Variants in LHB observed in about 807,000 individuals in gnomAD.
LHB encodes lutropin subunit beta.
A neutral mutation model predicts 10.6 loss-of-function variants in LHB; 11 were observed. The observed-to-expected ratio is 1.04, with a 90% CI of 0.66 to 1.72. The LOEUF is 1.72. Among genes scored for constraint, LHB ranks in the 40% most tolerant of loss-of-function variants. The pLI is 0.00. For synonymous variants in LHB, 86 were observed against 83.1 expected (o/e 1.03, Z -0.19); for missense variants, 184 against 197.3 (o/e 0.93, Z 0.41).
At chr19:49,016,931 C>A (rs923922033) in intron 1 of LHB, 136 bp downstream of exon 1, 199 of 1,604,868 alleles carry the variant, frequency 1.2e-4, no homozygotes, top group Middle Eastern at 2.2e-4. Flanking sequence ...TCAGGAACTG[C>A]CCCACCTGAA....
upstream of LHB, chr19:49,018,049 G>A (rs1026314559): frequency 2.5e-6 from 1 of 398,634 alleles, no homozygotes; most frequent in African/African-American, 2.1e-5. Flanking sequence ...TGCCCCGCAG[G>A]GGCTTCCAGT....
upstream of LHB, chr19:49,017,199 C>T (rs1230824692): frequency 2.0e-5 from 30 of 1,531,824 alleles, no homozygotes; most frequent in African/African-American, 2.0e-4. Context: ...CCCCCGGGGG[C>T]GAGAGGTGCA....
At chr19:49,016,888 C>G in intron 1 of LHB, 174 bp from the exon 2 acceptor site, 1 of 1,584,086 alleles carries the variant, frequency 6.3e-7, no homozygotes, top group Non-Finnish European at 8.6e-7. Context: ...GCCCAGAGGA[C>G]CTGAGATGCC....
chr19:49,016,316 G>A lies in LHB; in HGVS notation c.184-6C>T, dbSNP rs200951310. 3.6e-5 allele frequency: 58 copies of A among 1,610,204 alleles called. No individual in the cohort carries two copies. In the Middle Eastern group the frequency reaches 6.5e-4, roughly 18 times the overall value. ...ACCGCCTGCAGCACGCGCATCTGGA[G>A]GCCGTGTGAGTGGGGGAATGAGCAT... On this transcript the variant is annotated splice_region_variant and splice_polypyrimidine_tract_variant and intron_variant, in intron 2 of 2. Transcript: ENST00000649238.
At chr19:49,019,426 C>T (rs1170382981), upstream of LHB, 22 of 1,258,018 alleles carry the variant, frequency 1.7e-5, no homozygotes, top group Non-Finnish European at 2.1e-5. Flanking sequence ...ACCCACAGCC[C>T]GCCGTCTAGC....
chr19:49,016,791 C>T (rs780976401), intron 1 of LHB, 77 bp from the exon 2 acceptor site: 2 of 1,601,450 alleles, frequency 1.2e-6, no homozygotes, highest in South Asian at 2.2e-5. Context: ...GCGTGGTACA[C>T]CACCCACAAA....
intron 2 of LHB, 61 bp from the exon 3 acceptor site, chr19:49,016,371 C>T: frequency 6.2e-7 from 1 of 1,603,462 alleles, no homozygotes; most frequent in Non-Finnish European, 8.5e-7. Context: ...CAGCTGAGCT[C>T]CCAAGCTGAC....
upstream of LHB, chr19:49,018,764 G>A: frequency 1.0e-6 from 1 of 957,344 alleles, no homozygotes; most frequent in Non-Finnish European, 1.6e-6. Flanking sequence ...TACAGAAGTC[G>A]AGGCTGAGAC....
At chr19:49,019,070 C>G (rs2039598684), upstream of LHB, 7 of 1,461,226 alleles carry the variant, frequency 4.8e-6, no homozygotes, top group Admixed American at 2.3e-5. Flanking sequence ...CCCTGGGTCC[C>G]GAGTTCAGAA....
At position 49,016,099 on chromosome 19, in the gene LHB, TG is replaced by T. The variant is rs1568645919; in HGVS notation, c.394del (p.His132ThrfsTer27). The T allele has an allele frequency of 6.2e-7, 1 of 1,611,132 alleles. No homozygotes were observed. The highest frequency in any genetic ancestry group is 8.5e-7 in the Non-Finnish European group (1 of 1,179,534). On this transcript the variant is annotated frameshift_variant, in exon 3 of 3. Transcript: ENST00000649238. LOFTEE classifies it high-confidence loss of function. ...GPKDHPLTCD[H>X]PQLSGLLFL ...GAAGAGGAGGCCTGAGAGTTGGGGGTGGTCACAGGTCAAGGGGTGGTCTTTG... is the reference window on the plus strand; with the variant it reads ...GAAGAGGAGGCCTGAGAGTTGGGGGTGTCACAGGTCAAGGGGTGGTCTTTG...
At chr19:49,019,311 T>A, upstream of LHB, 1 of 1,200,518 alleles carries the variant, frequency 8.3e-7, no homozygotes, top group South Asian at 3.1e-5. Flanking sequence ...TCTTAAACCG[T>A]CTTGGTGTGG....
chr19:49,018,161 C>G, upstream of LHB: 1 of 404,686 alleles, frequency 2.5e-6, no homozygotes, highest in Non-Finnish European at 4.3e-6. Context: ...CAGGGCTCCC[C>G]GGTGCGGCAT....
upstream of LHB, chr19:49,019,133 C>G (rs1174955388): frequency 2.1e-6 from 3 of 1,428,106 alleles, no homozygotes; most frequent in African/African-American, 2.9e-5. Flanking sequence ...CACACCCCGC[C>G]CCAGGGTTAG....
intron 2 of LHB, 103 bp from the exon 3 acceptor site, chr19:49,016,413 G>T (rs1295568000): frequency 6.3e-7 from 1 of 1,598,992 alleles, no homozygotes; most frequent in Non-Finnish European, 8.5e-7. Flanking sequence ...AGCCCAGGAA[G>T]CCCTCTGTTC....
chr19:49,018,269 C>T, upstream of LHB: 3 of 1,058,202 alleles, frequency 2.8e-6, no homozygotes, highest in South Asian at 9.6e-5. Flanking sequence ...GCCGTGGCTC[C>T]AGACCTGGGG....
chr19:49,017,157 G>T (rs1357378281), upstream of LHB: 2 of 1,605,834 alleles, frequency 1.2e-6, no homozygotes, highest in East Asian at 2.2e-5. Context: ...ACCAGGAGGT[G>T]ATAGGATGCT....
chr19:49,019,216 C>G (rs565900456), upstream of LHB: 9 of 1,385,574 alleles, frequency 6.5e-6, no homozygotes, highest in East Asian at 8.3e-5. Flanking sequence ...AGCCTCACCT[C>G]CCTAAATCCA....
chr19:49,018,381 C>T (rs1330142369), upstream of LHB: 19 of 1,176,410 alleles, frequency 1.6e-5, no homozygotes, highest in Non-Finnish European at 1.9e-5. Context: ...CAGCTGGATC[C>T]TTGGGGACGA....
Position 49,016,113 on chromosome 19 carries a change from G to C in LHB, c.381C>G (p.Pro127=). The part of the protein sequence containing the change: ...TSDCGGPKDH[P]LTCDHPQLSG... ...AGAGTTGGGGGTGGTCACAGGTCAA[G>C]GGGTGGTCTTTGGGACCCCCACAGT... is the stretch of plus-strand genomic sequence containing the variant. Residue 127 remains proline (P), a synonymous_variant, in exon 3 of 3, where the codon CCC becomes CCG. Transcript: ENST00000649238. The C allele has an allele frequency of 6.2e-7, 1 of 1,612,960 alleles. No homozygotes were observed. Among genetic ancestry groups the C allele is most frequent in the Non-Finnish European group, 8.5e-7 (1 of 1,179,956 alleles).
Sources: gnomAD v4.1 joint callset for allele counts on GRCh38, gnomAD v4.1.1 for gene constraint, MANE v1.5 for transcripts, NCBI Gene and HGNC (gene_info 2026-07-23, HGNC 2026-07-21) for gene names.